The following FER variants were observed in gnomAD, a reference collection of about 807,000 sequenced individuals.
FER encodes the protein tyrosine-protein kinase Fer.
Under a neutral mutation model 111.0 loss-of-function variants are expected in FER, and 63 were observed. That is an observed-to-expected ratio of 0.57 (90% CI 0.46 to 0.70). FER has a LOEUF of 0.70. Ranked by LOEUF, FER falls within the 30% of genes least tolerant of loss-of-function variation. The probability of loss-of-function intolerance (pLI) is 0.00; values close to 1 mark genes in which losing one functional copy is unlikely to be tolerated. For synonymous variants in FER, 327 were observed against 313.9 expected (o/e 1.04, Z -0.44); for missense variants, 914 against 954.0 (o/e 0.96, Z 0.55).
intron 16 of FER, among the ~76,000 whole-genome samples, chr5:109,048,420 A>G (rs1772298582): frequency 1.3e-5 from 2 of 152,312 alleles, no homozygotes; most frequent in South Asian, 4.1e-4. Context: ...CCCCTGAATA[A>G]TAAGGAACGC....
At chr5:108,977,983 A>T (rs1288153768) in intron 13 of FER, among the ~76,000 whole-genome samples, 1 of 152,108 alleles carries the variant, frequency 6.6e-6, no homozygotes, top group Non-Finnish European at 1.5e-5. Flanking sequence ...GGTAGCTGGG[A>T]CCACTGATGC....
intron 10 of FER, among the ~76,000 whole-genome samples, chr5:108,901,500 G>T (rs1334246463): frequency 6.6e-6 from 1 of 151,982 alleles, no homozygotes; most frequent in East Asian, 1.9e-4. Context: ...TTAAAATTTT[G>T]GAATTTCCTC....
intron 3 of FER, among the ~76,000 whole-genome samples, chr5:108,802,105 A>T (rs1274975483): frequency 6.6e-6 from 1 of 152,136 alleles, no homozygotes; most frequent in East Asian, 1.9e-4. Context: ...TCAAAACTGC[A>T]GGAAGCAAAA....
chr5:109,001,688 C>T (rs1409930532), intron 13 of FER, among the ~76,000 whole-genome samples: 1 of 152,192 alleles, frequency 6.6e-6, no homozygotes, highest in African/African-American at 2.4e-5. Flanking sequence ...AAGAGGAAGT[C>T]AAATTGTCCC....
chr5:108,800,197 A>G (rs79927835), intron 3 of FER, among the ~76,000 whole-genome samples: 1 of 151,950 alleles, frequency 6.6e-6, no homozygotes, highest in Non-Finnish European at 1.5e-5. Flanking sequence ...ATTAGTTACC[A>G]CTTATCTGCT....
At chr5:108,958,465 C>G (rs1034238583) in intron 12 of FER, among the ~76,000 whole-genome samples, 49 of 151,774 alleles carry the variant, frequency 3.2e-4, no homozygotes, top group African/African-American at 1.0e-3. Flanking sequence ...AGGTTTATTG[C>G]TATCAATTTA....
intron 17 of FER, among the ~76,000 whole-genome samples, chr5:109,174,590 A>C (rs952014083): frequency 6.6e-6 from 1 of 152,188 alleles, no homozygotes; most frequent in African/African-American, 2.4e-5. Context: ...ACTGTCCTTC[A>C]TCAGGACACT....
In FER at chr5:109,097,037, T is replaced by C. The variant is rs926526728; in HGVS notation, c.1925-3359T>C. Among the ~76,000 whole-genome samples, 4 of 149,776 alleles carry C rather than the reference T, an allele frequency of 2.7e-5. No individual in the cohort carries two copies. The East Asian group carries it at 7.8e-4, about 29-fold the overall frequency. On this transcript the variant is annotated intron_variant, in intron 16 of 19. Coordinates refer to ENST00000281092, the MANE Select transcript of FER (RefSeq NM_005246.4). The stretch of plus-strand genomic sequence containing the variant: ...TAGTATAATAAATAGTAATAGTATT[T>C]ATTGTGTGTACTGTGTGCTAGGCAC...
At chr5:108,905,757 A>G (rs1008363512) in intron 10 of FER, among the ~76,000 whole-genome samples, 16 of 152,218 alleles carry the variant, frequency 1.1e-4, no homozygotes, top group African/African-American at 1.9e-4. Context: ...GTACCTATAT[A>G]TATACTCAGT....
chr5:109,105,561 C>T (rs147373523), intron 17 of FER, among the ~76,000 whole-genome samples: 263 of 152,220 alleles, frequency 1.7e-3, no homozygotes, highest in African/African-American at 6.0e-3. Context: ...TCGTGATCTA[C>T]CATATACTCA....
chr5:108,795,239 C>A (rs185491219), intron 2 of FER, among the ~76,000 whole-genome samples: 9 of 152,290 alleles, frequency 5.9e-5, no homozygotes, highest in African/African-American at 2.2e-4. Flanking sequence ...ACAGGAGGAT[C>A]TCTTTAGCCC....
intron 17 of FER, among the ~76,000 whole-genome samples, chr5:109,123,584 A>G (rs184091849): frequency 2.2e-4 from 34 of 152,210 alleles, no homozygotes; most frequent in African/African-American, 7.2e-4. Flanking sequence ...CTTCCAAATA[A>G]CATCTTATAA....
intron 10 of FER, among the ~76,000 whole-genome samples, chr5:108,919,152 T>G (rs1455529320): frequency 6.6e-6 from 1 of 152,148 alleles, no homozygotes; most frequent in Non-Finnish European, 1.5e-5. Flanking sequence ...ATGTTAAACT[T>G]CAACTTTTGC....
At chr5:109,108,088 AAAGGCTTCAAAAG>A (rs1366241046) in intron 17 of FER, among the ~76,000 whole-genome samples, 2 of 152,156 alleles carry the variant, frequency 1.3e-5, no homozygotes, top group Non-Finnish European at 2.9e-5. Context: ...GCATGTACTA[AAAGGCTTCAAAAG>A]ATGGCTATCG....
intron 5 of FER, among the ~76,000 whole-genome samples, chr5:108,855,760 A>G (rs1172210431): frequency 2.0e-5 from 3 of 152,168 alleles, no homozygotes; most frequent in African/African-American, 7.2e-5. Context: ...TGGAGTTAGC[A>G]AAGTGTAGGT....
chr5:108,869,058 A>C (rs943665409), intron 6 of FER, among the ~76,000 whole-genome samples: 6 of 152,124 alleles, frequency 3.9e-5, no homozygotes, highest in Non-Finnish European at 8.8e-5. Flanking sequence ...AATAACTCCC[A>C]TAAGTTTAGT....
chr5:108,882,000 T>C (rs1214315513), intron 8 of FER, among the ~76,000 whole-genome samples: 1 of 152,166 alleles, frequency 6.6e-6, no homozygotes, highest in Non-Finnish European at 1.5e-5. Context: ...CCTTTTAATT[T>C]AAAATTGTAT....
At chr5:109,168,301 G>A (rs538324263) in intron 17 of FER, among the ~76,000 whole-genome samples, 6 of 152,156 alleles carry the variant, frequency 3.9e-5, no homozygotes, top group African/African-American at 1.2e-4. Context: ...CTTTTTATAT[G>A]CTAATGAGTT....
rs1169696768 is a variant in FER, at chr5:109,191,159, A to G, written c.*3584A>G. ...TGTAGTGGGATAAACAAAAATTAAA[A>G]TGCAACAATCCAAATAAATTATAAT... On this transcript the variant is annotated 3_prime_UTR_variant, in exon 20 of 20. Transcript: ENST00000281092. The G allele has an allele frequency of 1.3e-5, 2 of 152,174 alleles. No individual in the cohort carries two copies. Among genetic ancestry groups the G allele is most frequent in the Non-Finnish European group, 2.9e-5 (2 of 68,008 alleles). 9.4% of individuals were successfully genotyped at this position (152,174 alleles called of 1,614,324 possible). A position where few individuals can be genotyped will look rare whatever the true frequency, so the allele number is the denominator to read the frequency against.
Sources: allele counts gnomAD v4.1 joint callset (sites outside exome capture counted in the v4.1 genomes callset), GRCh38; gene constraint gnomAD v4.1.1; transcripts MANE v1.5; gene names NCBI Gene and HGNC (gene_info 2026-07-23, HGNC 2026-07-21).